The following TRAK2 variants were observed in gnomAD, a reference collection of about 807,000 sequenced individuals.
The protein encoded by TRAK2 is trafficking kinesin protein 2.
Under a neutral mutation model 104.6 loss-of-function variants are expected in TRAK2, and 81 were observed. The ratio of observed to expected loss-of-function variants is 0.77; its 90% CI spans 0.65 to 0.93. The LOEUF (loss-of-function observed/expected upper bound fraction) is 0.93. Ranked by LOEUF, TRAK2 falls within the 40% of genes least tolerant of loss-of-function variation. The pLI is 0.00. For synonymous variants in TRAK2, 406 were observed against 394.4 expected (o/e 1.03, Z -0.35); for missense variants, 1,002 against 1,089.0 (o/e 0.92, Z 1.12).
At chr2:201,431,958 G>A (rs941777643) in intron 1 of TRAK2, among the ~76,000 whole-genome samples, 4 of 152,124 alleles carry the variant, frequency 2.6e-5, no homozygotes, top group African/African-American at 9.7e-5. Flanking sequence ...AGGGTTATTG[G>A]GAAATAACAT....
chr2:201,441,716 G>C (rs1404934086), intron 1 of TRAK2, among the ~76,000 whole-genome samples: 1 of 149,334 alleles, frequency 6.7e-6, no homozygotes, highest in Non-Finnish European at 1.5e-5. Flanking sequence ...CCCCGAGACA[G>C]AGTCTTGCTC....
chr2:201,414,220 C>T (rs1435121772), intron 2 of TRAK2, among the ~76,000 whole-genome samples: 3 of 152,136 alleles, frequency 2.0e-5, no homozygotes, highest in Non-Finnish European at 4.4e-5. Context: ...GTATCTGCCA[C>T]TATCTTCCTG....
At chr2:201,399,164 A>G (rs1343960150) in intron 5 of TRAK2, among the ~76,000 whole-genome samples, 1 of 152,104 alleles carries the variant, frequency 6.6e-6, no homozygotes, top group Non-Finnish European at 1.5e-5. Context: ...TACTTAATAT[A>G]GACTTTAAGT....
At chr2:201,435,783 A>C (rs1411955587) in intron 1 of TRAK2, among the ~76,000 whole-genome samples, 2 of 152,186 alleles carry the variant, frequency 1.3e-5, no homozygotes, top group African/African-American at 2.4e-5. Context: ...AGAAGGCTAA[A>C]CTGCTCTGCA....
chr2:201,398,061 A>G, intron 6 of TRAK2, 84 bp downstream of exon 6: 1 of 1,271,720 alleles, frequency 7.9e-7, no homozygotes, highest in South Asian at 1.3e-5. Context: ...ATCCTTACTT[A>G]TGCCATATTT....
chr2:201,387,240 G>A (rs1048675683), intron 13 of TRAK2, among the ~76,000 whole-genome samples: 1 of 152,096 alleles, frequency 6.6e-6, no homozygotes, highest in African/African-American at 2.4e-5. Context: ...TCTTTCTTAG[G>A]AGAGTATAGA....
intron 5 of TRAK2, among the ~76,000 whole-genome samples, chr2:201,398,593 A>C (rs1951522530): frequency 6.6e-6 from 1 of 152,110 alleles, no homozygotes; most frequent in Admixed American, 6.6e-5. Flanking sequence ...CCTAGGTGAG[A>C]AGAAAAGCTA....
chr2:201,443,386 C>G (rs961157587), intron 1 of TRAK2, among the ~76,000 whole-genome samples: 1 of 152,206 alleles, frequency 6.6e-6, no homozygotes, highest in Admixed American at 6.5e-5. Flanking sequence ...AGAGATCTTA[C>G]AATGCTCATT....
Position 201,420,404 on chromosome 2 carries a change from A to T in TRAK2, c.91+13T>A. 1 of 1,609,844 alleles carries T rather than the reference A, an allele frequency of 6.2e-7. No individual in the cohort carries two copies. Among genetic ancestry groups the T allele is most frequent in the Non-Finnish European group, 8.5e-7 (1 of 1,176,288 alleles). On this transcript the variant is annotated intron_variant, in intron 2 of 15. Coordinates refer to ENST00000332624, the MANE Select transcript of TRAK2 (RefSeq NM_015049.3). ...AAGCGATAGCACTTCAATATTTATT[A>T]AACTGGACTTACCAGTGATGCTCTC... is the stretch of plus-strand genomic sequence containing the variant.
intron 2 of TRAK2, among the ~76,000 whole-genome samples, chr2:201,418,137 C>T (rs190476786): frequency 2.6e-4 from 39 of 152,268 alleles, no homozygotes; most frequent in Admixed American, 2.6e-3. Flanking sequence ...CTATGTAATT[C>T]CATTCAAAAT....
intron 1 of TRAK2, among the ~76,000 whole-genome samples, chr2:201,449,278 A>G (rs1951990371): frequency 6.6e-6 from 1 of 152,176 alleles, no homozygotes; most frequent in Non-Finnish European, 1.5e-5. Context: ...TTTAAAGTCT[A>G]TAATTTCTGA....
In TRAK2 at chr2:201,389,273, G is replaced by A; in HGVS notation, c.1397+27C>T. ...GTGCGGCAATGTGAAAAGAAATGCA[G>A]AATCACTGTTATCATCGGATTCCTA... On this transcript the variant is annotated intron_variant, in intron 12 of 15. Transcript: ENST00000332624. 3 of 1,601,706 alleles carry A rather than the reference G, an allele frequency of 1.9e-6. No individual in the cohort carries two copies. In the East Asian group the frequency reaches 6.7e-5, roughly 36 times the overall value.
chr2:201,381,094 T>C lies in TRAK2; in HGVS notation c.2194A>G (p.Thr732Ala). Residue 732 changes from threonine (T) to alanine (A), a missense_variant, in exon 16 of 16, where the codon ACT becomes GCT. Thr to Ala is a moderately conservative substitution (Grantham distance 58). Coordinates refer to ENST00000332624, the MANE Select transcript of TRAK2 (RefSeq NM_015049.3). Reference sequence around the variant, plus strand: ...CTCATGGTGCTACTGAAGGTTGTAGTGGAATCTCGTCGGTTGGTGATGGAC... The same window carrying C: ...CTCATGGTGCTACTGAAGGTTGTAGCGGAATCTCGTCGGTTGGTGATGGAC... ...GESITNRRDS[T>A]TTFSSTMSLA... 6.2e-7 allele frequency: 1 copy of C among 1,614,020 alleles called. No homozygotes were observed. The highest frequency in any genetic ancestry group is 8.5e-7 in the Non-Finnish European group (1 of 1,179,984).
At chr2:201,434,630 T>G (rs921126137) in intron 1 of TRAK2, among the ~76,000 whole-genome samples, 7 of 152,264 alleles carry the variant, frequency 4.6e-5, no homozygotes, top group Non-Finnish European at 2.9e-5. Flanking sequence ...ATCATGATAT[T>G]TTTGGATTAT....
At chr2:201,433,020 C>T (rs1005532708) in intron 1 of TRAK2, among the ~76,000 whole-genome samples, 3 of 152,158 alleles carry the variant, frequency 2.0e-5, no homozygotes, top group Non-Finnish European at 2.9e-5. Context: ...GATAATTTAC[C>T]TTGTCCTCAT....
chr2:201,397,952 C>T, intron 6 of TRAK2, 193 bp downstream of exon 6: 1 of 543,342 alleles, frequency 1.8e-6, no homozygotes, highest in Non-Finnish European at 3.3e-6. Context: ...GTACTGTCAA[C>T]CTGCTACTAT....
At chr2:201,444,632 A>T (rs986683208) in intron 1 of TRAK2, among the ~76,000 whole-genome samples, 48 of 151,634 alleles carry the variant, frequency 3.2e-4, no homozygotes, top group African/African-American at 1.1e-3. Flanking sequence ...AATTTCACAT[A>T]AATTGTAATA....
chr2:201,410,930 A>T (rs1014392402), intron 2 of TRAK2: 11 of 1,577,212 alleles, frequency 7.0e-6, no homozygotes, highest in Non-Finnish European at 8.7e-6. Flanking sequence ...TGGTCACTCC[A>T]ACTGTGCTTG....
At chr2:201,439,282 G>A (rs1315716257) in intron 1 of TRAK2, among the ~76,000 whole-genome samples, 2 of 152,134 alleles carry the variant, frequency 1.3e-5, no homozygotes, top group African/African-American at 2.4e-5. Context: ...GTAGGTGTAC[G>A]TGCAGGGCTA....
Sources: allele counts gnomAD v4.1 joint callset (sites outside exome capture counted in the v4.1 genomes callset), GRCh38; gene constraint gnomAD v4.1.1; transcripts MANE v1.5; gene names NCBI Gene and HGNC (gene_info 2026-07-23, HGNC 2026-07-21).